Variants in C1QTNF1 observed in about 807,000 individuals in gnomAD.
C1QTNF1 encodes C1q and TNF related 1.
In C1QTNF1, 22 loss-of-function variants were observed where a neutral mutation model predicts 27.8. The observed-to-expected ratio is 0.79, with a 90% CI of 0.56 to 1.13. The LOEUF is 1.13. C1QTNF1 is among the 50% of genes most tolerant of loss of function. C1QTNF1 has a pLI of 0.00. For synonymous variants in C1QTNF1, 166 were observed against 154.3 expected (o/e 1.08, Z -0.56); for missense variants, 373 against 380.2 (o/e 0.98, Z 0.16).
At chr17:79,038,961 G>A (rs1354963602) in intron 1 of C1QTNF1, among the ~76,000 whole-genome samples, 1 of 152,194 alleles carries the variant, frequency 6.6e-6, no homozygotes, top group Non-Finnish European at 1.5e-5. Flanking sequence ...AGGCTTTTGA[G>A]GAGAGCCACC....
chr17:79,043,901 CT>C lies in C1QTNF1; in HGVS notation c.-14-53del, dbSNP rs753216123. ...TCTCCCCAATTTTCAGGCTGTTTCT[CT>C]GTGCAGCTCCTTCCTAACTCGGTGC... On this transcript the variant is annotated intron_variant, in intron 1 of 3. Coordinates refer to ENST00000579760, the MANE Select transcript of C1QTNF1 (RefSeq NM_030968.5). The C allele has an allele frequency of 2.5e-6, 4 of 1,598,558 alleles. No homozygotes were observed. In the South Asian group the frequency reaches 4.4e-5, roughly 18 times the overall value.
At position 79,046,409 on chromosome 17, in the gene C1QTNF1, C is replaced by T; in HGVS notation, c.156-146C>T. On this transcript the variant is annotated intron_variant, in intron 2 of 3. Transcript: ENST00000579760. The surrounding 1 kb of genome is among the most constrained non-coding windows in gnomAD (Gnocchi z 4.8). ...GAGGATCCCAGAGTGGGCCGTGAGC[C>T]CACCAGCGTGAACACAGAGCCTTGT... is the stretch of plus-strand genomic sequence containing the variant. The T allele has an allele frequency of 3.5e-6, 4 of 1,127,882 alleles. No individual in the cohort carries two copies. In the East Asian group the frequency reaches 7.2e-5, roughly 20 times the overall value. The allele number at this position is 1,127,882 out of a possible 1,614,324, so 69.9% of individuals were successfully genotyped here.
chr17:79,032,571 G>C (rs1468746166), intron 1 of C1QTNF1, among the ~76,000 whole-genome samples: 1 of 152,186 alleles, frequency 6.6e-6, no homozygotes, highest in East Asian at 1.9e-4. Flanking sequence ...TGATGGAGAG[G>C]AGAGGAGACC....
chr17:79,041,218 G>A (rs1036981484), intron 1 of C1QTNF1, among the ~76,000 whole-genome samples: 5 of 152,188 alleles, frequency 3.3e-5, no homozygotes, highest in Admixed American at 1.3e-4. Context: ...GGGCCCTGAC[G>A]CATGGGAGGG....
chr17:79,043,169 ATGTG>A (rs200334100), intron 1 of C1QTNF1, among the ~76,000 whole-genome samples: 1,738 of 144,420 alleles, frequency 0.012, 42 homozygotes, highest in African/African-American at 0.042. Flanking sequence ...GTGATGGTAT[ATGTG>A]TGTGAGTGCA....
intron 1 of C1QTNF1, among the ~76,000 whole-genome samples, chr17:79,028,746 T>C (rs1340301976): frequency 6.6e-6 from 1 of 152,146 alleles, no homozygotes; most frequent in African/African-American, 2.4e-5. Flanking sequence ...AGAAAAATCA[T>C]CTGTACCCCA....
chr17:79,048,194 C>T lies in C1QTNF1; in HGVS notation c.*106C>T. The T allele has an allele frequency of 9.1e-7, 1 of 1,102,162 alleles. No individual in the cohort carries two copies. The highest frequency in any genetic ancestry group is 1.3e-6 in the Non-Finnish European group (1 of 798,104). The allele number at this position is 1,102,162 out of a possible 1,614,324, so 68.3% of individuals were successfully genotyped here. A position where few individuals can be genotyped will look rare whatever the true frequency, so the allele number is the denominator to read the frequency against. On this transcript the variant is annotated 3_prime_UTR_variant, in exon 4 of 4. Coordinates refer to ENST00000579760, the MANE Select transcript of C1QTNF1 (RefSeq NM_030968.5). Reference sequence around the variant, plus strand: ...ACTCCGACTCCCTGGCTTTGGCATTCAGTGAGACGCCCTGCACACACAGAA... The same window carrying T: ...ACTCCGACTCCCTGGCTTTGGCATTTAGTGAGACGCCCTGCACACACAGAA...
rs58305899 is a variant in C1QTNF1 at position 79,033,068 on chromosome 17, CAA to C, written c.-15+8593_-15+8594del. 1.8e-3 allele frequency among the ~76,000 whole-genome samples: 139 copies of C among 79,328 alleles called. 1 individual carries two copies. The highest frequency in any genetic ancestry group is 3.3e-3 in the African/African-American group (88 of 26,330). The allele number at this position is 79,328 out of a possible 152,430, so 52.0% of individuals were successfully genotyped here. On this transcript the variant is annotated intron_variant, in intron 1 of 3. Transcript: ENST00000579760. ...GGGTGACAAGAGCAAAACTCTGTCT[CAA>C]AAAAAAAAAAAAAAAAAAGTCTTAG...
upstream of C1QTNF1, chr17:79,023,949 C>A (rs1451410896): frequency 6.6e-6 from 1 of 152,334 alleles, no homozygotes; most frequent in Non-Finnish European, 1.5e-5. Context: ...CTGCGGGGGG[C>A]ATTCTCGTCC....
At chr17:79,034,413 C>T (rs939806035) in intron 1 of C1QTNF1, 1 of 152,290 alleles carries the variant, frequency 6.6e-6, no homozygotes, top group African/African-American at 2.4e-5. Flanking sequence ...GGGACGGAAT[C>T]GGAGCTCTGG....
intron 1 of C1QTNF1, among the ~76,000 whole-genome samples, chr17:79,034,840 C>T (rs764740412): frequency 6.6e-6 from 1 of 152,130 alleles, no homozygotes; most frequent in East Asian, 1.9e-4. Context: ...AGGAGATAGG[C>T]TCCAGGACCC....
intron 1 of C1QTNF1, chr17:79,024,781 C>G (rs569798255): frequency 6.6e-6 from 1 of 152,498 alleles, no homozygotes; most frequent in South Asian, 2.1e-4. Flanking sequence ...CACGTGGATA[C>G]TAACGGGAGG....
In C1QTNF1 at chr17:79,047,660, C is replaced by T. The variant is rs768231680; in HGVS notation, c.418C>T (p.Arg140Trp). ...QKGSMGAPGE[R>W]CKSHYAAFSV... ...GGGCTCCATGGGGGCCCCTGGGGAG[C>T]GGTGCAAGAGCCACTACGCCGCCTT... is the stretch of plus-strand genomic sequence containing the variant. The change falls in exon 4 of 4, where the codon CGG becomes TGG. Residue 140 changes from arginine (R) to tryptophan (W), a missense_variant. By Grantham distance (101) the Arg-to-Trp change is moderately radical. Coordinates refer to ENST00000579760, the MANE Select transcript of C1QTNF1 (RefSeq NM_030968.5). The T allele has an allele frequency of 2.7e-5, 43 of 1,610,598 alleles. No individual in the cohort carries two copies. Among genetic ancestry groups the T allele is most frequent in the East Asian group, 4.5e-5 (2 of 44,800 alleles).
chr17:79,032,183 G>T (rs918800812), intron 1 of C1QTNF1, among the ~76,000 whole-genome samples: 2 of 152,216 alleles, frequency 1.3e-5, no homozygotes, highest in Non-Finnish European at 2.9e-5. Flanking sequence ...GATGCTGGGG[G>T]AGGGGCACCT....
At chr17:79,031,128 C>T (rs2072130367) in intron 1 of C1QTNF1, among the ~76,000 whole-genome samples, 2 of 151,396 alleles carry the variant, frequency 1.3e-5, no homozygotes, top group Admixed American at 1.3e-4. Flanking sequence ...GCCTCAGCCT[C>T]CCAAGTAGCT....
chr17:79,027,946 G>GC (rs1220119481), intron 1 of C1QTNF1, among the ~76,000 whole-genome samples: 1 of 152,186 alleles, frequency 6.6e-6, no homozygotes, highest in Non-Finnish European at 1.5e-5. Context: ...TGCCTCTGAG[G>GC]CCCCCTGGAT....
Position 79,024,511 on chromosome 17 carries a change from G to GC in C1QTNF1, c.-15+17_-15+18insC, listed in dbSNP as rs2071869894. The GC allele has an allele frequency of 2.0e-5, 3 of 152,352 alleles. No individual in the cohort carries two copies. The highest frequency in any genetic ancestry group is 4.4e-5 in the Non-Finnish European group (3 of 68,166). 9.4% of individuals were successfully genotyped at this position (152,352 alleles called of 1,614,324 possible). ...GGGACGGAGGTAGGTGGCCGGGCCG[G>GC]GGGACCCAGCGCTGCCCCGCCCCAT... On this transcript the variant is annotated intron_variant, in intron 1 of 3. Coordinates refer to ENST00000579760, the MANE Select transcript of C1QTNF1 (RefSeq NM_030968.5).
At chr17:79,037,902 G>C (rs555500207) in intron 1 of C1QTNF1, among the ~76,000 whole-genome samples, 7 of 151,410 alleles carry the variant, frequency 4.6e-5, no homozygotes, top group African/African-American at 1.7e-4. Flanking sequence ...GAATTCCTAG[G>C]CTCAAGCAAT....
intron 1 of C1QTNF1, among the ~76,000 whole-genome samples, chr17:79,029,388 C>T (rs900711836): frequency 5.3e-5 from 8 of 152,152 alleles, no homozygotes; most frequent in Admixed American, 3.3e-4. Context: ...CTGGGGCAAG[C>T]GGCTCCATCG....
Sources: gnomAD v4.1 joint callset for allele counts (sites outside exome capture counted in the v4.1 genomes callset) on GRCh38, gnomAD v4.1.1 for gene constraint, Gnocchi (gnomAD v3.1) non-coding constraint, MANE v1.5 for transcripts, NCBI Gene and HGNC (gene_info 2026-07-23, HGNC 2026-07-21) for gene names.